The following RBM47 variants were observed in gnomAD, a reference collection of about 807,000 sequenced individuals.
RBM47 encodes the protein RNA binding motif protein 47.
Under a neutral mutation model 47.1 loss-of-function variants are expected in RBM47, and 21 were observed. The observed-to-expected ratio is 0.45, with a 90% CI of 0.32 to 0.64. The LOEUF (loss-of-function observed/expected upper bound fraction) is 0.64, where lower values mean the gene tolerates loss of function less well. Among genes scored for constraint, RBM47 ranks in the 30% least tolerant of loss-of-function variants. The probability of loss-of-function intolerance (pLI) is 0.05; values close to 1 mark genes in which losing one functional copy is unlikely to be tolerated. For synonymous variants in RBM47, 375 were observed against 361.7 expected (o/e 1.04, Z -0.42); for missense variants, 708 against 870.9 (o/e 0.81, Z 2.35).
chr4:40,564,806 G>A (rs146554360), intron 1 of RBM47, among the ~76,000 whole-genome samples: 1,554 of 152,292 alleles, frequency 0.01, 10 homozygotes, highest in Non-Finnish European at 0.017. Flanking sequence ...AGGCCCTACC[G>A]AAAATTTATT....
At chr4:40,600,372 A>C (rs1040957766) in intron 1 of RBM47, among the ~76,000 whole-genome samples, 41 of 149,844 alleles carry the variant, frequency 2.7e-4, no homozygotes, top group South Asian at 6.3e-4. Flanking sequence ...CGGTGGCTCA[A>C]GCCTGTAATC....
At position 40,432,832 on chromosome 4, in the gene RBM47, G is replaced by A; in HGVS notation, c.1361C>T (p.Ser454Phe). The A allele has an allele frequency of 1.2e-6, 2 of 1,613,756 alleles. No homozygotes were observed. The change falls in exon 6 of 7, where the codon TCC (serine) becomes TTC (phenylalanine). Residue 454 changes from serine to phenylalanine, a missense_variant. Coordinates refer to ENST00000295971, the MANE Select transcript of RBM47 (RefSeq NM_001098634.2). ...AGGGGCTGGAGCTGCTGGAAACATG[G>A]AATACTGAGCCCCAATGGCAGGGAT... ...VAIPAIGAQY[S>F]MFPAAPAPKM... is the part of the protein sequence containing the mutation.
intron 1 of RBM47, among the ~76,000 whole-genome samples, chr4:40,616,876 T>TTC (rs1736790319): frequency 7.1e-6 from 1 of 140,592 alleles, no homozygotes; most frequent in Non-Finnish European, 1.5e-5. Context: ...TTTCTTTTCT[T>TTC]TTTTTTTTTT....
intron 2 of RBM47, among the ~76,000 whole-genome samples, chr4:40,508,504 G>C (rs1724431253): frequency 6.6e-6 from 1 of 152,164 alleles, no homozygotes; most frequent in African/African-American, 2.4e-5. Context: ...TCTTACAAAG[G>C]AATACTATGC....
intron 3 of RBM47, among the ~76,000 whole-genome samples, chr4:40,445,090 C>T (rs908451672): frequency 2.6e-5 from 4 of 151,762 alleles, no homozygotes; most frequent in South Asian, 2.1e-4. Flanking sequence ...CTGGCTAACA[C>T]GGTGAAACCC....
chr4:40,461,361 T>C (rs1310805547), intron 3 of RBM47, among the ~76,000 whole-genome samples: 8 of 152,194 alleles, frequency 5.3e-5, no homozygotes, highest in Admixed American at 4.6e-4. Flanking sequence ...GTTAATAAAG[T>C]GTGAAATGAT....
chr4:40,588,823 T>C (rs1447211043), intron 1 of RBM47, among the ~76,000 whole-genome samples: 1 of 151,886 alleles, frequency 6.6e-6, no homozygotes, highest in Non-Finnish European at 1.5e-5. Context: ...AGGAGAGACA[T>C]TGGCATAGTT....
intron 2 of RBM47, among the ~76,000 whole-genome samples, chr4:40,500,544 G>A (rs1723221085): frequency 6.6e-6 from 1 of 152,130 alleles, no homozygotes; most frequent in African/African-American, 2.4e-5. Flanking sequence ...CCAGGAGGTC[G>A]AGGCTGCAGT....
intron 2 of RBM47, among the ~76,000 whole-genome samples, chr4:40,470,486 C>T (rs190155487): frequency 6.6e-6 from 1 of 152,036 alleles, no homozygotes; most frequent in African/African-American, 2.4e-5. Flanking sequence ...GATTTTTTTG[C>T]CCCCTCTTCT....
intron 1 of RBM47, among the ~76,000 whole-genome samples, chr4:40,579,423 GAAA>G (rs10653342): frequency 2.5e-4 from 26 of 102,010 alleles, no homozygotes; most frequent in South Asian, 7.0e-4. Flanking sequence ...CCCTGTCTCA[GAAA>G]AAAAAAAAAA....
intron 1 of RBM47, among the ~76,000 whole-genome samples, chr4:40,607,875 C>T (rs954672480): frequency 6.6e-6 from 1 of 152,048 alleles, no homozygotes; most frequent in Admixed American, 6.6e-5. Context: ...GAGGTTGAGG[C>T]GGAAAGATTG....
intron 1 of RBM47, among the ~76,000 whole-genome samples, chr4:40,571,783 G>T (rs1309590986): frequency 6.6e-6 from 1 of 151,750 alleles, no homozygotes; most frequent in Non-Finnish European, 1.5e-5. Context: ...ACTTTGGGAG[G>T]CTGAGGCAGG....
In RBM47 at chr4:40,425,984, C is replaced by T; in HGVS notation, c.1702G>A (p.Gly568Arg). The T allele has an allele frequency of 6.2e-7, 1 of 1,614,196 alleles. No individual in the cohort carries two copies. Among genetic ancestry groups the T allele is most frequent in the Non-Finnish European group, 8.5e-7 (1 of 1,180,036 alleles). ...GCCTGAGGTATGTAGCCTGCGTATC[C>T]TCCATACATGGCGGCCGCGGCTGCC... ...NAAAAAAMYGGYAGYIPQAFP... is the reference protein window; with the variant it reads ...NAAAAAAMYGRYAGYIPQAFP... The change falls in exon 7 of 7, where the codon GGA becomes AGA. Residue 568 changes from glycine (G) to arginine (R), a missense_variant. Coordinates refer to ENST00000295971, the MANE Select transcript of RBM47 (RefSeq NM_001098634.2).
At chr4:40,593,406 C>A (rs1734443728) in intron 1 of RBM47, among the ~76,000 whole-genome samples, 1 of 152,048 alleles carries the variant, frequency 6.6e-6, no homozygotes, top group Non-Finnish European at 1.5e-5. Flanking sequence ...AGTAGGGAGG[C>A]CCCTGGAAGA....
intron 2 of RBM47, among the ~76,000 whole-genome samples, chr4:40,490,688 T>C (rs1577777714): frequency 6.7e-6 from 1 of 150,080 alleles, no homozygotes; most frequent in African/African-American, 2.5e-5. Context: ...GAGGCGGAGG[T>C]TGCAGTGAGG....
intron 1 of RBM47, among the ~76,000 whole-genome samples, chr4:40,612,171 G>A (rs1736318725): frequency 6.6e-6 from 1 of 152,210 alleles, no homozygotes; most frequent in African/African-American, 2.4e-5. Context: ...CCTGATCATG[G>A]ATCCATAACA....
intron 1 of RBM47, among the ~76,000 whole-genome samples, chr4:40,597,026 C>T (rs537427137): frequency 6.6e-6 from 1 of 152,080 alleles, no homozygotes; most frequent in South Asian, 2.1e-4. Flanking sequence ...TTTAGGAGGC[C>T]GAGGCAGGCA....
chr4:40,507,516 C>G (rs1319838456), intron 2 of RBM47, among the ~76,000 whole-genome samples: 1 of 152,072 alleles, frequency 6.6e-6, no homozygotes, highest in Non-Finnish European at 1.5e-5. Flanking sequence ...CGGCTGGGCG[C>G]GGTGGCTCAC....
intron 2 of RBM47, among the ~76,000 whole-genome samples, chr4:40,523,388 C>G (rs1032360637): frequency 3.3e-5 from 5 of 152,002 alleles, no homozygotes; most frequent in African/African-American, 4.8e-5. Context: ...TGGTGGCTCA[C>G]GCCTATAATC....
Sources: gnomAD v4.1 joint callset for allele counts (sites outside exome capture counted in the v4.1 genomes callset) on GRCh38, gnomAD v4.1.1 for gene constraint, MANE v1.5 for transcripts, NCBI Gene and HGNC (gene_info 2026-07-23, HGNC 2026-07-21) for gene names.